The following CEP170 variants were observed in gnomAD, a reference collection of about 807,000 sequenced individuals.
CEP170 encodes centrosomal protein 170.
A neutral mutation model predicts 151.9 loss-of-function variants in CEP170; 21 were observed. The ratio of observed to expected loss-of-function variants is 0.14; its 90% CI spans 0.10 to 0.20. CEP170 has a LOEUF of 0.20. CEP170 is among the 10% of genes least tolerant of loss of function. CEP170 has a pLI of 1.00. For synonymous variants in CEP170, 356 were observed against 648.8 expected, an observed-to-expected ratio of 0.55 and a Z score of 6.86; for missense variants, 964 against 1,892.9, an observed-to-expected ratio of 0.51 and a Z score of 9.11.
intron 3 of CEP170, among the ~76,000 whole-genome samples, chr1:243,220,442 A>G (rs2062695580): frequency 6.6e-6 from 1 of 152,036 alleles, no homozygotes; most frequent in South Asian, 2.1e-4. Flanking sequence ...CCAACAGAGA[A>G]AAAAAAAGGC....
intron 10 of CEP170, among the ~76,000 whole-genome samples, chr1:243,182,829 C>CACT (rs1404602319): frequency 6.6e-6 from 1 of 152,156 alleles, no homozygotes; most frequent in Non-Finnish European, 1.5e-5. Flanking sequence ...TATATGCTGG[C>CACT]ACTAGGTTCC....
chr1:243,185,097 A>G lies in CEP170; in HGVS notation c.1566+682T>C, dbSNP rs1024244482. ...ATTCTAAAGTCAACCTTTCACGACC[A>G]TTGGCAAAACTGAGAAAAATTGCTT... On this transcript the variant is annotated intron_variant, in intron 10 of 19. Coordinates refer to ENST00000366542, the MANE Select transcript of CEP170 (RefSeq NM_014812.3). The surrounding 1 kb of genome is among the most constrained non-coding windows in gnomAD (Gnocchi z 4.9). Among the ~76,000 whole-genome samples, 2 of 152,226 alleles carry G rather than the reference A, an allele frequency of 1.3e-5. No homozygotes were observed. Among genetic ancestry groups the G allele is most frequent in the African/African-American group, 4.8e-5 (2 of 41,460 alleles).
chr1:243,251,227 G>T (rs997990549), intron 1 of CEP170, among the ~76,000 whole-genome samples: 1 of 152,172 alleles, frequency 6.6e-6, no homozygotes, highest in African/African-American at 2.4e-5. Context: ...TTGTGGAGAA[G>T]TTGGACCCAA....
At chr1:243,158,903 C>T (rs2057802071) in intron 13 of CEP170, among the ~76,000 whole-genome samples, 1 of 151,804 alleles carries the variant, frequency 6.6e-6, no homozygotes, top group Non-Finnish European at 1.5e-5. Flanking sequence ...CCCATCTCTA[C>T]TAAAAATACA....
At chr1:243,251,016 T>C (rs1264843344) in intron 1 of CEP170, among the ~76,000 whole-genome samples, 1 of 152,214 alleles carries the variant, frequency 6.6e-6, no homozygotes, top group African/African-American at 2.4e-5. Flanking sequence ...CATATGAAGT[T>C]GGAGGTGTCC....
chr1:243,189,400 A>C (rs974617230), intron 8 of CEP170, among the ~76,000 whole-genome samples: 40 of 151,582 alleles, frequency 2.6e-4, no homozygotes, highest in Admixed American at 5.3e-4. Flanking sequence ...ACTAAAAATA[A>C]AAAAAATTAG....
intron 3 of CEP170, among the ~76,000 whole-genome samples, chr1:243,218,644 A>G (rs1391636709): frequency 2.0e-5 from 3 of 152,328 alleles, no homozygotes; most frequent in Non-Finnish European, 4.4e-5. Flanking sequence ...TTTTCTAAAC[A>G]GTAACAGTGA....
intron 3 of CEP170, among the ~76,000 whole-genome samples, chr1:243,220,558 A>T (rs887227691): frequency 3.9e-5 from 6 of 152,242 alleles, no homozygotes; most frequent in Non-Finnish European, 5.9e-5. Context: ...TTGGTTAAAA[A>T]AAATGTATTA....
At chr1:243,182,310 C>T (rs2789106) in intron 10 of CEP170, among the ~76,000 whole-genome samples, 1 of 152,298 alleles carries the variant, frequency 6.6e-6, no homozygotes, top group African/African-American at 2.4e-5. Flanking sequence ...GTGAGCTAAA[C>T]AAACCTCTTT....
rs557999846 is a variant in CEP170, at chr1:243,193,615, A to G, written c.632-2121T>C. ...TTAGTACTACTTCAAACTCGCATTC[A>G]CTCAAAGCTAGAAACTTGAGACTTA... On this transcript the variant is annotated intron_variant, in intron 7 of 19. Coordinates refer to ENST00000366542, the MANE Select transcript of CEP170 (RefSeq NM_014812.3). Among the ~76,000 whole-genome samples, 8 of 152,170 alleles carry G rather than the reference A, an allele frequency of 5.3e-5. No homozygotes were observed. The South Asian group carries it at 1.7e-3, about 32-fold the overall frequency.
At chr1:243,244,711 A>G (rs1470986651) in intron 1 of CEP170, among the ~76,000 whole-genome samples, 1 of 152,000 alleles carries the variant, frequency 6.6e-6, no homozygotes, top group Non-Finnish European at 1.5e-5. Flanking sequence ...CCCCCACTGC[A>G]CTCCAGCCTG....
rs184199326 is a variant in CEP170, at chr1:243,216,201, T to A, written c.196-4237A>T. ...AAAATTACTTTATTCTTTCCTTTTT[T>A]AAATTTTATTATTATTATACTTTAA... is the stretch of plus-strand genomic sequence containing the variant. On this transcript the variant is annotated intron_variant, in intron 3 of 19. Transcript: ENST00000366542. Among the ~76,000 whole-genome samples the A allele has an allele frequency of 2.9e-3, 442 of 152,340 alleles. 1 individual carries two copies. Among genetic ancestry groups the A allele is most frequent in the Admixed American group, 4.8e-3 (74 of 15,302 alleles).
At chr1:243,189,368 A>G (rs967429511) in intron 8 of CEP170, among the ~76,000 whole-genome samples, 4 of 152,030 alleles carry the variant, frequency 2.6e-5, no homozygotes, top group African/African-American at 7.2e-5. Flanking sequence ...CATCCTGGCT[A>G]ACACGGTGAA....
In CEP170 at chr1:243,150,891, A is replaced by G. The variant is rs189645945; in HGVS notation, c.3911+5330T>C. ...CGATGAGATCACTAGAACACATTTA[A>G]TTAACTCATCCTAGGTCACACAGAC... On this transcript the variant is annotated intron_variant, in intron 14 of 19. Transcript: ENST00000366542. Among the ~76,000 whole-genome samples the G allele has an allele frequency of 2.2e-3, 330 of 152,302 alleles. 4 individuals are homozygous for G. The highest frequency in any genetic ancestry group is 7.3e-3 in the African/African-American group (305 of 41,558).
intron 12 of CEP170, among the ~76,000 whole-genome samples, chr1:243,166,735 TATATTTA>T (rs2058472150): frequency 1.3e-5 from 2 of 152,092 alleles, no homozygotes; most frequent in Admixed American, 1.3e-4. Flanking sequence ...TCTCCTTTCA[TATATTTA>T]ATTTTCTATT....
chr1:243,225,323 T>C lies in CEP170; in HGVS notation c.-41-2A>G. 1 of 1,249,422 alleles carries C rather than the reference T, an allele frequency of 8.0e-7. No homozygotes were observed. The highest frequency in any genetic ancestry group is 2.6e-5 in the East Asian group (1 of 38,754). The allele number at this position is 1,249,422 out of a possible 1,614,324, so 77.4% of individuals were successfully genotyped here. A position where few individuals can be genotyped will look rare whatever the true frequency, so the allele number is the denominator to read the frequency against. On this transcript the variant is annotated splice_acceptor_variant, in intron 1 of 19. Transcript: ENST00000366542. LOFTEE classifies it low-confidence loss of function (5UTR_SPLICE). The stretch of plus-strand genomic sequence containing the variant: ...AGTCTTTGGCAAAGCTACGTCATCC[T>C]GAAGAGAAACATGAAGAAAAATATA...
chr1:243,136,080 C>A, intron 17 of CEP170, 63 bp downstream of exon 17: 2 of 1,545,740 alleles, frequency 1.3e-6, no homozygotes, highest in Non-Finnish European at 1.7e-6. Flanking sequence ...ACATTTTTAA[C>A]CTTGAGAAAA....
intron 14 of CEP170, among the ~76,000 whole-genome samples, chr1:243,145,800 T>A (rs1393642331): frequency 6.6e-6 from 1 of 152,212 alleles, no homozygotes; most frequent in Non-Finnish European, 1.5e-5. Context: ...TAAGAGATCA[T>A]AACTGTAATG....
intron 1 of CEP170, among the ~76,000 whole-genome samples, chr1:243,244,777 C>A (rs572941849): frequency 6.6e-6 from 1 of 151,842 alleles, no homozygotes; most frequent in South Asian, 2.1e-4. Flanking sequence ...AGTAAAAACT[C>A]CGAAGAGTTA....
Sources: allele counts gnomAD v4.1 joint callset (sites outside exome capture counted in the v4.1 genomes callset), GRCh38; gene constraint gnomAD v4.1.1; non-coding constraint Gnocchi (gnomAD v3.1); transcripts MANE v1.5; gene names NCBI Gene and HGNC (gene_info 2026-07-23, HGNC 2026-07-21).